Variants in ZC3H12B observed in about 807,000 individuals in gnomAD.
ZC3H12B encodes the protein zinc finger CCCH-type containing 12B.
Under a neutral mutation model 43.9 loss-of-function variants are expected in ZC3H12B, and 7 were observed. The observed-to-expected ratio is 0.16, with a 90% confidence interval of 0.09 to 0.30. ZC3H12B has a LOEUF of 0.30. Ranked by LOEUF, ZC3H12B falls within the 10% of genes least tolerant of loss-of-function variation. The pLI is 1.00. For synonymous variants in ZC3H12B, 222 were observed against 241.7 expected, an observed-to-expected ratio of 0.92 and a Z score of 0.76; for missense variants, 475 against 670.2, an observed-to-expected ratio of 0.71 and a Z score of 3.22.
the ZC3H12B span, among the ~76,000 whole-genome samples, chrX:65,041,793 A>G: frequency 8.9e-6 from 1 of 111,961 alleles, no homozygotes; most frequent in Non-Finnish European, 1.9e-5. Context: ...ATAATCATAT[A>G]ATGAGTGCAT....
At chrX:65,106,806 A>C in the ZC3H12B span, among the ~76,000 whole-genome samples, 1 of 111,766 alleles carries the variant, frequency 8.9e-6, no homozygotes, top group Non-Finnish European at 1.9e-5. Flanking sequence ...ACCACACTAC[A>C]GTCAGTGTCT....
At chrX:65,047,855 T>C in the ZC3H12B span, among the ~76,000 whole-genome samples, 1 of 110,815 alleles carries the variant, frequency 9.0e-6, no homozygotes, top group Non-Finnish European at 1.9e-5. Flanking sequence ...TTTTAATTGG[T>C]ATATTTAGAC....
At chrX:65,336,344 G>A in the ZC3H12B span, among the ~76,000 whole-genome samples, 1 of 111,946 alleles carries the variant, frequency 8.9e-6, no homozygotes, top group East Asian at 2.8e-4. Context: ...ATTGCCCTGG[G>A]GGCCAAGCCA....
At chrX:65,192,051 A>C in the ZC3H12B span, among the ~76,000 whole-genome samples, 1 of 109,890 alleles carries the variant, frequency 9.1e-6, no homozygotes, top group African/African-American at 3.3e-5. Context: ...CCTTCATTTC[A>C]TTATGTACCC....
intron 3 of ZC3H12B, among the ~76,000 whole-genome samples, chrX:65,449,275 G>T (rs771984673): frequency 1.8e-5 from 2 of 110,619 alleles, no homozygotes; most frequent in Non-Finnish European, 3.8e-5. Context: ...TAACAAACCT[G>T]CACGTCCTGC....
At chrX:65,043,297 T>TA in the ZC3H12B span, among the ~76,000 whole-genome samples, 1 of 110,028 alleles carries the variant, frequency 9.1e-6, no homozygotes, top group East Asian at 2.8e-4. Flanking sequence ...GTATGTTTCT[T>TA]AAAAAAAAGC....
the ZC3H12B span, among the ~76,000 whole-genome samples, chrX:65,325,171 A>C: frequency 1.8e-5 from 2 of 110,893 alleles, no homozygotes; most frequent in Non-Finnish European, 3.8e-5. Flanking sequence ...TTCACTCTAC[A>C]TGCATCCTAA....
chrX:65,191,679 A>G, the ZC3H12B span, among the ~76,000 whole-genome samples: 36 of 104,321 alleles, frequency 3.5e-4, no homozygotes, highest in African/African-American at 1.3e-3. Flanking sequence ...TGTCTATTTG[A>G]TTCTTCTCTC....
At chrX:65,160,912 C>T in the ZC3H12B span, among the ~76,000 whole-genome samples, 3 of 110,562 alleles carry the variant, frequency 2.7e-5, no homozygotes, top group Non-Finnish European at 5.7e-5. Flanking sequence ...CTATAAATTT[C>T]CCTCTACACA....
chrX:65,232,304 G>A, the ZC3H12B span, among the ~76,000 whole-genome samples: 1 of 110,917 alleles, frequency 9.0e-6, no homozygotes, highest in Non-Finnish European at 1.9e-5. Context: ...ATTGATTCTG[G>A]GAACTAATAA....
the ZC3H12B span, among the ~76,000 whole-genome samples, chrX:65,120,255 G>C: frequency 9.0e-6 from 1 of 111,720 alleles, no homozygotes; most frequent in Non-Finnish European, 1.9e-5. Flanking sequence ...CCATTTTCAC[G>C]ATATTGATTC....
the ZC3H12B span, among the ~76,000 whole-genome samples, chrX:65,202,162 T>C: frequency 1.0e-5 from 1 of 98,777 alleles, no homozygotes; most frequent in Non-Finnish European, 2.0e-5. Flanking sequence ...ATATATTATA[T>C]ATAATATATA....
chrX:65,184,977 A>T, the ZC3H12B span: 3 of 111,604 alleles, frequency 2.7e-5, no homozygotes, highest in African/African-American at 9.8e-5. Context: ...AAAATGTCTC[A>T]ATTAAGCTTA....
At chrX:65,457,693 G>A (rs1245169934) in intron 3 of ZC3H12B, among the ~76,000 whole-genome samples, 1 of 69,990 alleles carries the variant, frequency 1.4e-5, no homozygotes, top group Non-Finnish European at 2.3e-5. Flanking sequence ...AAGTAGACAT[G>A]GGAGACTTTT....
the ZC3H12B span, chrX:65,187,054 G>A: frequency 8.9e-6 from 1 of 111,864 alleles, no homozygotes; most frequent in Non-Finnish European, 1.9e-5. Context: ...ACCTAGGAGT[G>A]GGATTGCTGG....
At chrX:65,459,795 C>T (rs1192397031) in intron 3 of ZC3H12B, among the ~76,000 whole-genome samples, 1 of 111,627 alleles carries the variant, frequency 9.0e-6, no homozygotes, top group African/African-American at 3.3e-5. Flanking sequence ...TGAAAACTGG[C>T]ACAAGACAGG....
At chrX:65,470,026 C>G (rs1233897786) in intron 3 of ZC3H12B, 2 of 114,201 alleles carry the variant, frequency 1.8e-5, no homozygotes, top group African/African-American at 6.5e-5. Flanking sequence ...AAGAAACAGT[C>G]AGTGGCCAAT....
chrX:65,450,166 G>T (rs1001676135), intron 3 of ZC3H12B, among the ~76,000 whole-genome samples: 2 of 105,754 alleles, frequency 1.9e-5, no homozygotes, highest in Non-Finnish European at 3.9e-5. Context: ...TTAGCCGGGC[G>T]TGGTTGCAGA....
chrX:65,111,193 T>A, the ZC3H12B span, among the ~76,000 whole-genome samples: 1 of 111,338 alleles, frequency 9.0e-6, no homozygotes, highest in African/African-American at 3.3e-5. Context: ...TATTATTTCT[T>A]CCTTTCCAAT....
Sources: gnomAD v4.1 joint callset for allele counts (sites outside exome capture counted in the v4.1 genomes callset) on GRCh38, gnomAD v4.1.1 for gene constraint, MANE v1.5 for transcripts, NCBI Gene and HGNC (gene_info 2026-07-23, HGNC 2026-07-21) for gene names.